Variants in PLCB1 observed in about 807,000 individuals in gnomAD.
PLCB1 encodes phospholipase C beta 1.
A neutral mutation model predicts 161.8 loss-of-function variants in PLCB1; 46 were observed. The observed-to-expected ratio is 0.28, with a 90% CI of 0.22 to 0.36. PLCB1 has a LOEUF of 0.36. Among genes scored for constraint, PLCB1 ranks in the 10% least tolerant of loss-of-function variants. PLCB1 has a pLI of 1.00. For synonymous variants in PLCB1, 517 were observed against 503.7 expected (o/e 1.03, Z -0.35); for missense variants, 1,016 against 1,472.5 (o/e 0.69, Z 5.07).
At chr20:8,733,180 A>G (rs1292093384) in intron 18 of PLCB1, 58 bp from the exon 19 acceptor site, 14 of 1,552,506 alleles carry the variant, frequency 9.0e-6, no homozygotes, top group Non-Finnish European at 1.2e-5. Flanking sequence ...TTACAATCTT[A>G]CTTTCTTACC....
At chr20:8,176,321 A>G (rs984667688) in intron 2 of PLCB1, among the ~76,000 whole-genome samples, 1 of 152,208 alleles carries the variant, frequency 6.6e-6, no homozygotes, top group Non-Finnish European at 1.5e-5. Flanking sequence ...ATAAAAAGCA[A>G]TGAACTATTG....
At chr20:8,176,028 A>G (rs6039068) in intron 2 of PLCB1, among the ~76,000 whole-genome samples, 12 of 152,322 alleles carry the variant, frequency 7.9e-5, no homozygotes, top group African/African-American at 2.9e-4. Flanking sequence ...GACATTACCA[A>G]ATGCTGGCAA....
intron 7 of PLCB1, 51 bp downstream of exon 7, chr20:8,649,500 C>A: frequency 7.8e-7 from 1 of 1,276,230 alleles, no homozygotes; most frequent in Non-Finnish European, 1.1e-6. Context: ...CTCCAAAACT[C>A]ATGTTGAAAC....
intron 2 of PLCB1, among the ~76,000 whole-genome samples, chr20:8,153,263 A>G (rs2051527822): frequency 6.6e-6 from 1 of 152,166 alleles, no homozygotes. Flanking sequence ...CTCTGGACTT[A>G]TTTTAATAAT....
chr20:8,868,731 A>G (rs982170532), intron 31 of PLCB1, among the ~76,000 whole-genome samples: 34 of 152,172 alleles, frequency 2.2e-4, no homozygotes, highest in African/African-American at 7.0e-4. Context: ...TCCCAGGTTC[A>G]AGTGATTCTT....
chr20:8,276,986 C>CTTCTTCTTCTTCTTCTTCTTCTTA (rs869194352), intron 2 of PLCB1, among the ~76,000 whole-genome samples: 1 of 93,358 alleles, frequency 1.1e-5, no homozygotes, highest in African/African-American at 4.4e-5. Flanking sequence ...TCTTCTTCTT[C>CTTCTTCTTCTTCTTCTTCTTCTTA]TTATTATTAT....
intron 2 of PLCB1, among the ~76,000 whole-genome samples, chr20:8,211,106 A>G (rs553254601): frequency 1.9e-4 from 29 of 152,286 alleles, no homozygotes; most frequent in Non-Finnish European, 2.6e-4. Context: ...AAGCACCTTT[A>G]TATGCTTATG....
chr20:8,678,433 A>G (rs1990139832), intron 9 of PLCB1, among the ~76,000 whole-genome samples: 1 of 152,242 alleles, frequency 6.6e-6, no homozygotes, highest in Non-Finnish European at 1.5e-5. Context: ...AAATACCAAA[A>G]GCTTCTGCTA....
chr20:8,457,710 GCGCGCA>G (rs1466061738), intron 3 of PLCB1, among the ~76,000 whole-genome samples: 1 of 71,324 alleles, frequency 1.4e-5, no homozygotes, highest in African/African-American at 8.0e-5. Flanking sequence ...CCTAATGTGT[GCGCGCA>G]CACACACACA....
intron 2 of PLCB1, among the ~76,000 whole-genome samples, chr20:8,204,907 T>C (rs1428213644): frequency 6.6e-6 from 1 of 152,174 alleles, no homozygotes; most frequent in Non-Finnish European, 1.5e-5. Flanking sequence ...TCATTTTTTT[T>C]CCTTGCCACT....
intron 2 of PLCB1, among the ~76,000 whole-genome samples, chr20:8,346,021 G>A (rs913917165): frequency 1.3e-5 from 2 of 152,148 alleles, no homozygotes; most frequent in African/African-American, 4.8e-5. Flanking sequence ...GGATATTTGT[G>A]TTTTACGTTA....
chr20:8,225,056 G>C (rs1979610935), intron 2 of PLCB1, among the ~76,000 whole-genome samples: 1 of 152,194 alleles, frequency 6.6e-6, no homozygotes, highest in East Asian at 1.9e-4. Context: ...TAAATACTTT[G>C]ATCTAAACAC....
intron 2 of PLCB1, among the ~76,000 whole-genome samples, chr20:8,339,347 C>A (rs1985713287): frequency 6.6e-6 from 1 of 152,072 alleles, no homozygotes; most frequent in East Asian, 1.9e-4. Context: ...TCTTATATAT[C>A]ACTGAGCTGG....
At chr20:8,841,725 G>A (rs917082182) in intron 31 of PLCB1, among the ~76,000 whole-genome samples, 1 of 152,162 alleles carries the variant, frequency 6.6e-6, no homozygotes, top group Admixed American at 6.5e-5. Flanking sequence ...TCTGAACCAC[G>A]CAGGTCACAG....
At chr20:8,655,965 A>G (rs117610812) in intron 7 of PLCB1, among the ~76,000 whole-genome samples, 128 of 152,022 alleles carry the variant, frequency 8.4e-4, no homozygotes, top group Non-Finnish European at 1.7e-3. Flanking sequence ...AATCAAGAGG[A>G]CTTTTGGAAA....
At chr20:8,311,602 T>C (rs1984407369) in intron 2 of PLCB1, among the ~76,000 whole-genome samples, 1 of 152,194 alleles carries the variant, frequency 6.6e-6, no homozygotes, top group Non-Finnish European at 1.5e-5. Flanking sequence ...TTAGGGTTCA[T>C]CTCTATTAAA....
At chr20:8,828,339 A>G (rs1985812435) in intron 31 of PLCB1, among the ~76,000 whole-genome samples, 1 of 152,154 alleles carries the variant, frequency 6.6e-6, no homozygotes, top group East Asian at 1.9e-4. Context: ...AAGTCCTCTC[A>G]AAAGTTTGAC....
intron 2 of PLCB1, among the ~76,000 whole-genome samples, chr20:8,364,500 T>A (rs1300154580): frequency 6.6e-6 from 1 of 152,148 alleles, no homozygotes; most frequent in African/African-American, 2.4e-5. Context: ...TGTCCCTAGG[T>A]TGCTTGCAAA....
chr20:8,219,807 T>C (rs1979312927), intron 2 of PLCB1, among the ~76,000 whole-genome samples: 1 of 152,180 alleles, frequency 6.6e-6, no homozygotes, highest in Non-Finnish European at 1.5e-5. Context: ...AGAATTTGAA[T>C]TGTTATATGT....
Sources: gnomAD v4.1 joint callset for allele counts (sites outside exome capture counted in the v4.1 genomes callset) on GRCh38, gnomAD v4.1.1 for gene constraint, MANE v1.5 for transcripts, NCBI Gene and HGNC (gene_info 2026-07-23, HGNC 2026-07-21) for gene names.